Variants in SLC39A10 observed in about 807,000 individuals in gnomAD.
SLC39A10 encodes the protein solute carrier family 39 member 10.
SLC39A10 carries 13 observed loss-of-function variants against 65.1 expected under a neutral mutation model. The ratio of observed to expected loss-of-function variants is 0.20; its 90% confidence interval spans 0.13 to 0.32. The LOEUF (loss-of-function observed/expected upper bound fraction) is 0.32. Among genes scored for constraint, SLC39A10 ranks in the 10% least tolerant of loss-of-function variants. The pLI is 1.00. For synonymous variants in SLC39A10, 321 were observed against 342.2 expected, an observed-to-expected ratio of 0.94 and a Z score of 0.68; for missense variants, 831 against 1,018.4, an observed-to-expected ratio of 0.82 and a Z score of 2.50.
chr2:195,624,140 C>G (rs1328714820), intron 2 of SLC39A10, among the ~76,000 whole-genome samples: 1 of 152,040 alleles, frequency 6.6e-6, no homozygotes, highest in East Asian at 1.9e-4. Flanking sequence ...AATTCCGGCA[C>G]TTTGGGAGGC....
At chr2:195,704,055 A>G (rs966406903) in intron 3 of SLC39A10, among the ~76,000 whole-genome samples, 2 of 152,234 alleles carry the variant, frequency 1.3e-5, no homozygotes, top group Admixed American at 1.3e-4. Context: ...ATGAAGGGTT[A>G]TCAGGTGTTT....
chr2:195,655,969 C>A (rs562306320), upstream of SLC39A10, among the ~76,000 whole-genome samples: 34 of 152,324 alleles, frequency 2.2e-4, no homozygotes, highest in Admixed American at 1.4e-3. Flanking sequence ...AATCCCAACT[C>A]TTTTCTCTAC....
At chr2:195,727,862 C>T (rs183368282) in intron 8 of SLC39A10, among the ~76,000 whole-genome samples, 12 of 152,222 alleles carry the variant, frequency 7.9e-5, no homozygotes, top group Admixed American at 6.5e-4. Context: ...AGAGTCGCAG[C>T]TCTCCACCAT....
At chr2:195,664,621 T>TTTAAAAATATGAA (rs1280414888) in intron 1 of SLC39A10, among the ~76,000 whole-genome samples, 1 of 152,138 alleles carries the variant, frequency 6.6e-6, no homozygotes, top group Non-Finnish European at 1.5e-5. Context: ...CAGGAATAAC[T>TTTAAAAATATGAA]TTAAAAATAT....
At chr2:195,615,453 A>G (rs994272624) in intron 2 of SLC39A10, among the ~76,000 whole-genome samples, 2 of 152,122 alleles carry the variant, frequency 1.3e-5, no homozygotes, top group East Asian at 1.9e-4. Flanking sequence ...GTGAGCCACT[A>G]TGACCGGCCA....
At chr2:195,673,065 T>C (rs1689931568) in intron 1 of SLC39A10, among the ~76,000 whole-genome samples, 1 of 152,250 alleles carries the variant, frequency 6.6e-6, no homozygotes, top group South Asian at 2.1e-4. Context: ...AACTTAATGC[T>C]GCTTTGGAAT....
chr2:195,690,712 CT>C (rs1353395391), intron 3 of SLC39A10, among the ~76,000 whole-genome samples: 2 of 151,974 alleles, frequency 1.3e-5, no homozygotes, highest in Non-Finnish European at 2.9e-5. Context: ...ATTTTTTAAT[CT>C]GGTTATTCTT....
chr2:195,615,944 A>G (rs926336278), intron 2 of SLC39A10, among the ~76,000 whole-genome samples: 3 of 152,204 alleles, frequency 2.0e-5, no homozygotes, highest in Admixed American at 6.5e-5. Flanking sequence ...AACTACCTAA[A>G]GGCAGAGATT....
At chr2:195,624,396 A>G (rs1309490793) in intron 2 of SLC39A10, among the ~76,000 whole-genome samples, 2 of 77,208 alleles carry the variant, frequency 2.6e-5, no homozygotes, top group Admixed American at 2.0e-4. Flanking sequence ...TCAAATAAGG[A>G]AAAAAAAAAA....
intron 1 of SLC39A10, chr2:195,674,750 C>A: frequency 1.5e-6 from 1 of 680,436 alleles, no homozygotes; most frequent in Non-Finnish European, 1.8e-6. Context: ...CTTAGACAAA[C>A]CTAGATGGTG....
At chr2:195,653,376 C>T (rs1187948125), upstream of SLC39A10, among the ~76,000 whole-genome samples, 4 of 150,750 alleles carry the variant, frequency 2.7e-5, no homozygotes, top group Non-Finnish European at 5.9e-5. Flanking sequence ...TCACTGCAAC[C>T]TCTGCCTCCT....
chr2:195,690,791 G>A (rs1386808136), intron 3 of SLC39A10, among the ~76,000 whole-genome samples: 1 of 151,988 alleles, frequency 6.6e-6, no homozygotes, highest in Non-Finnish European at 1.5e-5. Flanking sequence ...TATATGATCT[G>A]CAAATATTTT....
intron 1 of SLC39A10, among the ~76,000 whole-genome samples, chr2:195,679,163 T>C (rs553313285): frequency 6.6e-6 from 1 of 152,352 alleles, no homozygotes; most frequent in South Asian, 2.1e-4. Context: ...ACCATTGAAT[T>C]GGACAGTTCT....
At chr2:195,682,694 G>A (rs949990822) in intron 2 of SLC39A10, among the ~76,000 whole-genome samples, 1 of 151,970 alleles carries the variant, frequency 6.6e-6, no homozygotes, top group Non-Finnish European at 1.5e-5. Context: ...CGTGAGGTTT[G>A]CATTATTAGA....
intron 8 of SLC39A10, 117 bp downstream of exon 8, chr2:195,718,449 T>C: frequency 1.6e-6 from 1 of 621,084 alleles, no homozygotes; most frequent in South Asian, 2.3e-5. Context: ...GCAACTATAG[T>C]GTCACTAATT....
chr2:195,671,607 G>A (rs776182498), intron 1 of SLC39A10: 1 of 152,196 alleles, frequency 6.6e-6, no homozygotes. Context: ...TTTTAGGGTT[G>A]AGTGGTATAT....
chr2:195,681,181 TATCAG>T, intron 2 of SLC39A10, 131 bp downstream of exon 2: 1 of 911,064 alleles, frequency 1.1e-6, no homozygotes, highest in Non-Finnish European at 1.6e-6. Context: ...ACCTATGAAA[TATCAG>T]GTAATGTTCA....
upstream of SLC39A10, among the ~76,000 whole-genome samples, chr2:195,656,005 A>C (rs190800106): frequency 2.2e-4 from 34 of 152,284 alleles, no homozygotes; most frequent in Admixed American, 1.4e-3. Flanking sequence ...AGGCAAGTTA[A>C]AGTCTTGTGT....
intron 1 of SLC39A10, among the ~76,000 whole-genome samples, chr2:195,657,824 A>C (rs1191090330): frequency 6.6e-6 from 1 of 151,868 alleles, no homozygotes; most frequent in African/African-American, 2.4e-5. Context: ...GGGCGAGGGG[A>C]CCCCGGGATG....
Sources: gnomAD v4.1 joint callset for allele counts (sites outside exome capture counted in the v4.1 genomes callset) on GRCh38, gnomAD v4.1.1 for gene constraint, MANE v1.5 for transcripts, NCBI Gene and HGNC (gene_info 2026-07-23, HGNC 2026-07-21) for gene names.